SEZ6L: variants seen among roughly 807,000 people sequenced by gnomAD.
SEZ6L encodes the protein seizure 6-like protein.
In SEZ6L, 37 loss-of-function variants were observed where a neutral mutation model predicts 106.2. The ratio of observed to expected loss-of-function variants is 0.35; its 90% confidence interval spans 0.27 to 0.46. The LOEUF is 0.46. SEZ6L is among the 20% of genes least tolerant of loss of function. The pLI is 1.00. For missense variants in SEZ6L, 1,172 were observed against 1,332.8 expected, an observed-to-expected ratio of 0.88 and a Z score of 1.88; for synonymous variants, 541 against 570.4, an observed-to-expected ratio of 0.95 and a Z score of 0.73.
chr22:26,271,548 G>T (rs2080368804), intron 1 of SEZ6L, among the ~76,000 whole-genome samples: 1 of 152,184 alleles, frequency 6.6e-6, no homozygotes, highest in Admixed American at 6.5e-5. Context: ...AAATGGCTTG[G>T]CGTCTTTCCC....
chr22:26,255,740 C>T (rs1007737992), intron 1 of SEZ6L, among the ~76,000 whole-genome samples: 8 of 152,192 alleles, frequency 5.3e-5, no homozygotes, highest in African/African-American at 1.7e-4. Flanking sequence ...GAGGGTAACG[C>T]GCAGCAGTTG....
chr22:26,345,333 G>A (rs2082971173), intron 10 of SEZ6L, among the ~76,000 whole-genome samples: 1 of 152,226 alleles, frequency 6.6e-6, no homozygotes, highest in African/African-American at 2.4e-5. Flanking sequence ...CAGCAACTGA[G>A]AAATTACAAA....
At chr22:26,225,737 G>A (rs1343854163) in intron 1 of SEZ6L, among the ~76,000 whole-genome samples, 1 of 152,134 alleles carries the variant, frequency 6.6e-6, no homozygotes, top group Non-Finnish European at 1.5e-5. Flanking sequence ...CTGCATTTAG[G>A]AACAAGCTGG....
At chr22:26,200,964 A>T (rs1940903701) in intron 1 of SEZ6L, among the ~76,000 whole-genome samples, 1 of 152,058 alleles carries the variant, frequency 6.6e-6, no homozygotes, top group South Asian at 2.1e-4. Flanking sequence ...TCAAAACCCC[A>T]TGCAGAATCC....
At chr22:26,182,423 T>C (rs1298683644) in intron 1 of SEZ6L, among the ~76,000 whole-genome samples, 2 of 152,172 alleles carry the variant, frequency 1.3e-5, no homozygotes, top group Non-Finnish European at 2.9e-5. Flanking sequence ...ATATTTGTGC[T>C]TTATGGAAAT....
intron 9 of SEZ6L, among the ~76,000 whole-genome samples, chr22:26,325,081 C>T (rs1045151036): frequency 1.3e-5 from 2 of 152,168 alleles, no homozygotes; most frequent in African/African-American, 4.8e-5. Context: ...GCCTCTCATC[C>T]TCCAATTGCT....
In SEZ6L at chr22:26,212,526, G is replaced by A. The variant is rs1282969087; in HGVS notation, c.94+42763G>A. On this transcript the variant is annotated intron_variant, in intron 1 of 16. Coordinates refer to ENST00000248933, the MANE Select transcript of SEZ6L (RefSeq NM_021115.5). The stretch of plus-strand genomic sequence containing the variant: ...CTGCCTCAACTTCCCAGGCTCAGGT[G>A]ATTCTCCCACCTCAGCCTCCTGAGT... Among the ~76,000 whole-genome samples, 4 of 152,306 alleles carry A rather than the reference G, an allele frequency of 2.6e-5. No homozygotes were observed. The East Asian group carries it at 7.7e-4, about 29-fold the overall frequency.
chr22:26,347,009 C>T (rs1013210570), intron 10 of SEZ6L, among the ~76,000 whole-genome samples: 14 of 150,416 alleles, frequency 9.3e-5, no homozygotes, highest in African/African-American at 3.4e-4. Flanking sequence ...GCCCAGGCAA[C>T]ATACAAGAGC....
chr22:26,289,136 C>A (rs2081029986), intron 1 of SEZ6L, among the ~76,000 whole-genome samples: 1 of 152,200 alleles, frequency 6.6e-6, no homozygotes, highest in Admixed American at 6.5e-5. Flanking sequence ...CAAAGTCATG[C>A]TAGTGAATAG....
intron 14 of SEZ6L, among the ~76,000 whole-genome samples, chr22:26,374,751 GT>G (rs1475812115): frequency 6.6e-6 from 1 of 152,226 alleles, no homozygotes; most frequent in Non-Finnish European, 1.5e-5. Flanking sequence ...TGGAGGCCAA[GT>G]TTCTAGAAGG....
chr22:26,204,915 T>C (rs1941199278), intron 1 of SEZ6L, among the ~76,000 whole-genome samples: 1 of 152,232 alleles, frequency 6.6e-6, no homozygotes, highest in South Asian at 2.1e-4. Flanking sequence ...GCTCTATCTC[T>C]CTTTCTGATA....
intron 1 of SEZ6L, among the ~76,000 whole-genome samples, chr22:26,226,302 C>T (rs567442452): frequency 6.6e-6 from 1 of 152,336 alleles, no homozygotes; most frequent in South Asian, 2.1e-4. Flanking sequence ...ATCCACTGTT[C>T]CCAGCATGGT....
chr22:26,336,196 A>G (rs954407365), intron 9 of SEZ6L, among the ~76,000 whole-genome samples: 1 of 151,994 alleles, frequency 6.6e-6, no homozygotes, highest in Non-Finnish European at 1.5e-5. Context: ...CCATGTGGTC[A>G]CATGGGCAAG....
chr22:26,210,686 T>A lies in SEZ6L; in HGVS notation c.94+40923T>A, dbSNP rs186986575. On this transcript the variant is annotated intron_variant, in intron 1 of 16. Coordinates refer to ENST00000248933, the MANE Select transcript of SEZ6L (RefSeq NM_021115.5). Reference sequence around the variant, plus strand: ...ATCTCCATTCTCAGAATGGTTTTTTTATTATAATCCAAAGGACTCCTAGGG... The same window carrying A: ...ATCTCCATTCTCAGAATGGTTTTTTAATTATAATCCAAAGGACTCCTAGGG... Among the ~76,000 whole-genome samples the A allele has an allele frequency of 1.9e-3, 291 of 152,212 alleles. 3 individuals carry two copies. Among genetic ancestry groups the A allele is most frequent in the African/African-American group, 5.7e-3 (235 of 41,524 alleles).
At chr22:26,225,225 A>G (rs1215476978) in intron 1 of SEZ6L, among the ~76,000 whole-genome samples, 1 of 152,212 alleles carries the variant, frequency 6.6e-6, no homozygotes, top group Admixed American at 6.5e-5. Context: ...TGTTAGGCAG[A>G]TGACTTGTCA....
At chr22:26,179,178 C>T (rs1040111177) in intron 1 of SEZ6L, among the ~76,000 whole-genome samples, 9 of 152,124 alleles carry the variant, frequency 5.9e-5, no homozygotes, top group African/African-American at 2.2e-4. Context: ...CACTTGAGGC[C>T]AGGAGCTCTA....
intron 1 of SEZ6L, among the ~76,000 whole-genome samples, chr22:26,188,442 G>T (rs1369975209): frequency 6.6e-6 from 1 of 152,184 alleles, no homozygotes. Context: ...ACCCGAGCAT[G>T]TAAGTTTTCC....
chr22:26,286,511 AT>A (rs1437003034), intron 1 of SEZ6L, among the ~76,000 whole-genome samples: 1 of 152,178 alleles, frequency 6.6e-6, no homozygotes, highest in East Asian at 1.9e-4. Context: ...CTGCATTGCA[AT>A]TTGTTTTACT....
intron 1 of SEZ6L, among the ~76,000 whole-genome samples, chr22:26,196,767 A>C (rs779361086): frequency 1.3e-4 from 20 of 152,230 alleles, no homozygotes; most frequent in Admixed American, 3.3e-4. Flanking sequence ...CAACAGGTTC[A>C]AGGTCTATTT....
Sources: gnomAD v4.1 joint callset for allele counts (sites outside exome capture counted in the v4.1 genomes callset) on GRCh38, gnomAD v4.1.1 for gene constraint, MANE v1.5 for transcripts, NCBI Gene and HGNC (gene_info 2026-07-23, HGNC 2026-07-21) for gene names.